The following SLC38A9 variants were observed in gnomAD, a reference collection of about 807,000 sequenced individuals.
SLC38A9 encodes neutral amino acid transporter 9.
Under a neutral mutation model 62.3 loss-of-function variants are expected in SLC38A9, and 48 were observed. That is an observed-to-expected ratio of 0.77 (90% CI 0.61 to 0.98). The LOEUF is 0.98. Among genes scored for constraint, SLC38A9 ranks in the 50% least tolerant of loss-of-function variants. The pLI, the probability that SLC38A9 is intolerant of heterozygous loss-of-function variation, is 0.00. For missense variants in SLC38A9, 541 were observed against 679.8 expected, an observed-to-expected ratio of 0.80 and a Z score of 2.27; for synonymous variants, 204 against 227.7, an observed-to-expected ratio of 0.90 and a Z score of 0.94.
intron 4 of SLC38A9, among the ~76,000 whole-genome samples, chr5:55,670,513 A>G (rs971674579): frequency 6.6e-6 from 1 of 152,224 alleles, no homozygotes; most frequent in Non-Finnish European, 1.5e-5. Flanking sequence ...AATCCAAAAT[A>G]GTTTTGGGAT....
At chr5:55,659,967 C>T (rs1206029477) in intron 8 of SLC38A9, among the ~76,000 whole-genome samples, 5 of 150,690 alleles carry the variant, frequency 3.3e-5, no homozygotes, top group Admixed American at 6.6e-5. Flanking sequence ...AGGGTTTCAC[C>T]GTGTTCGCCA....
At chr5:55,685,210 C>T (rs887562188) in intron 3 of SLC38A9, among the ~76,000 whole-genome samples, 1 of 152,160 alleles carries the variant, frequency 6.6e-6, no homozygotes, top group African/African-American at 2.4e-5. Context: ...ACAGCCATCA[C>T]CATAATCCAT....
intron 3 of SLC38A9, among the ~76,000 whole-genome samples, chr5:55,688,380 CTTT>C (rs767493953): frequency 8.1e-6 from 1 of 123,282 alleles, no homozygotes; most frequent in Non-Finnish European, 1.6e-5. Flanking sequence ...GGCATAATCT[CTTT>C]TTTTTTTTTT....
At chr5:55,686,161 C>T (rs1055922735) in intron 3 of SLC38A9, among the ~76,000 whole-genome samples, 25 of 151,708 alleles carry the variant, frequency 1.6e-4, no homozygotes, top group African/African-American at 6.1e-4. Flanking sequence ...ATTGCTGGGT[C>T]GAATGGTATT....
intron 9 of SLC38A9, among the ~76,000 whole-genome samples, chr5:55,653,629 T>A (rs1747908528): frequency 6.6e-6 from 1 of 151,834 alleles, no homozygotes; most frequent in South Asian, 2.1e-4. Context: ...CCAGATGGTA[T>A]CCAGATGACT....
At chr5:55,707,081 C>T (rs186458067) in intron 2 of SLC38A9, among the ~76,000 whole-genome samples, 26 of 152,050 alleles carry the variant, frequency 1.7e-4, no homozygotes, top group African/African-American at 6.3e-4. Flanking sequence ...AGCTGGGATC[C>T]CAGCTGTGCG....
chr5:55,626,832 A>G (rs1357855351), intron 15 of SLC38A9, among the ~76,000 whole-genome samples, 173 bp from the exon 16 acceptor site: 1 of 152,174 alleles, frequency 6.6e-6, no homozygotes, highest in East Asian at 1.9e-4. Flanking sequence ...TTTACTTGCT[A>G]AGTTAATATA....
chr5:55,627,908 G>A lies in SLC38A9; in HGVS notation c.1503C>T (p.Asn501=). Residue 501 remains asparagine (N), a synonymous_variant, in exon 15 of 16, where the codon AAC becomes AAT. Coordinates refer to ENST00000396865, the MANE Select transcript of SLC38A9 (RefSeq NM_173514.4). ...AGVIMACFYP[N]IGGIIRYSGA... is the part of the protein sequence containing the mutation. ...GGCAGTACCTTATGATCCCTCCTAT[G>A]TTTGGGTAGAAACAGGCCATGATCA... 1 of 1,610,030 alleles carries A rather than the reference G, an allele frequency of 6.2e-7. No homozygotes were observed. Among genetic ancestry groups the A allele is most frequent in the Non-Finnish European group, 8.5e-7 (1 of 1,176,684 alleles).
At chr5:55,691,500 T>C (rs1022241973) in intron 3 of SLC38A9, among the ~76,000 whole-genome samples, 8 of 152,030 alleles carry the variant, frequency 5.3e-5, no homozygotes, top group African/African-American at 1.7e-4. Context: ...CAAGAGAAGC[T>C]CAAAAACAAA....
intron 2 of SLC38A9, among the ~76,000 whole-genome samples, chr5:55,699,427 T>C (rs1040264883): frequency 2.0e-5 from 3 of 152,194 alleles, no homozygotes; most frequent in Non-Finnish European, 2.9e-5. Context: ...TAGAAGCAAA[T>C]GTAAATCTTT....
Position 55,649,274 on chromosome 5 carries a change from A to T in SLC38A9, c.993T>A (p.Phe331Leu). Residue 331 changes from phenylalanine to leucine, a missense_variant, in exon 11 of 16, where the codon TTT (phenylalanine) becomes TTA (leucine). Transcript: ENST00000396865. ...AATGAAATCCCAAGCGAACAGCCTT[A>T]AAGGTGACAAGGAAAATCAAATAAA... is the stretch of plus-strand genomic sequence containing the variant. Reference protein sequence around the residue: ...SVLYLIFLVTFKAVRLGFHLE... With the variant: ...SVLYLIFLVTLKAVRLGFHLE... The T allele has an allele frequency of 6.2e-7, 1 of 1,609,198 alleles. No individual in the cohort carries two copies. The highest frequency in any genetic ancestry group is 8.5e-7 in the Non-Finnish European group (1 of 1,178,226).
chr5:55,677,924 TATTG>T lies in SLC38A9; in HGVS notation c.114-5233_114-5230del, dbSNP rs1455032064. Among the ~76,000 whole-genome samples the T allele has an allele frequency of 9.5e-5, 11 of 115,786 alleles. 1 individual carries two copies. Among genetic ancestry groups the T allele is most frequent in the African/African-American group, 1.9e-4 (5 of 26,660 alleles). 76.0% of individuals were successfully genotyped at this position (115,786 alleles called of 152,430 possible). A position where few individuals can be genotyped will look rare whatever the true frequency, so the allele number is the denominator to read the frequency against. ...TCTAAATCAATACTTTTTTTTTCTT[TATTG>T]TGTGTGTGTGTGTGTGTGTGTGTGT... On this transcript the variant is annotated intron_variant, in intron 3 of 15. Coordinates refer to ENST00000396865, the MANE Select transcript of SLC38A9 (RefSeq NM_173514.4).
rs1750209397 is a variant in SLC38A9, at chr5:55,664,878, A to G, written c.527-15T>C. On this transcript the variant is annotated splice_polypyrimidine_tract_variant and intron_variant, in intron 7 of 15. Coordinates refer to ENST00000396865, the MANE Select transcript of SLC38A9 (RefSeq NM_173514.4). The stretch of plus-strand genomic sequence containing the variant: ...ATCCAACGAAACTAGATAAAATAAG[A>G]GAAAGAATAAAACTAAATGTTGAAC... 2 of 1,486,228 alleles carry G rather than the reference A, an allele frequency of 1.3e-6. No homozygotes were observed. Among genetic ancestry groups the G allele is most frequent in the Non-Finnish European group, 1.8e-6 (2 of 1,104,612 alleles). The allele number at this position is 1,486,228 out of a possible 1,614,324, so 92.1% of individuals were successfully genotyped here.
intron 3 of SLC38A9, among the ~76,000 whole-genome samples, chr5:55,678,269 C>T (rs1020518759): frequency 6.6e-6 from 1 of 151,664 alleles, no homozygotes; most frequent in African/African-American, 2.4e-5. Context: ...TCCTGAGTAG[C>T]TGGGACTATA....
At chr5:55,656,390 A>G (rs1182199190) in intron 9 of SLC38A9, among the ~76,000 whole-genome samples, 1 of 151,448 alleles carries the variant, frequency 6.6e-6, no homozygotes, top group Non-Finnish European at 1.5e-5. Flanking sequence ...TAGACATCTG[A>G]TATAATTAAT....
At chr5:55,637,535 T>C (rs1744637681) in intron 12 of SLC38A9, among the ~76,000 whole-genome samples, 2 of 152,238 alleles carry the variant, frequency 1.3e-5, no homozygotes, top group South Asian at 4.1e-4. Flanking sequence ...ATCATGTTGG[T>C]ATTTTTTCTT....
At chr5:55,675,812 C>A (rs1752011620) in intron 3 of SLC38A9, among the ~76,000 whole-genome samples, 1 of 152,124 alleles carries the variant, frequency 6.6e-6, no homozygotes, top group Non-Finnish European at 1.5e-5. Flanking sequence ...TTCTACCTAA[C>A]ACCTTTTCTA....
intron 9 of SLC38A9, 129 bp from the exon 10 acceptor site, chr5:55,652,852 A>G: frequency 1.6e-6 from 1 of 637,850 alleles, no homozygotes; most frequent in Non-Finnish European, 2.5e-6. Flanking sequence ...TAGGAGCCTA[A>G]ATTTCTCTTT....
At position 55,649,329 on chromosome 5, in the gene SLC38A9, T is replaced by A. The variant is rs771997936; in HGVS notation, c.953-15A>T. On this transcript the variant is annotated splice_polypyrimidine_tract_variant and intron_variant, in intron 10 of 15. Coordinates refer to ENST00000396865, the MANE Select transcript of SLC38A9 (RefSeq NM_173514.4). ...AGACACTGTGCCTGTGAGGAAAAAATTCAGAAACCATTTATTATCTTTGTG... is the reference window on the plus strand; with the variant it reads ...AGACACTGTGCCTGTGAGGAAAAAAATCAGAAACCATTTATTATCTTTGTG... 7.0e-6 allele frequency: 10 copies of A among 1,418,910 alleles called. No individual in the cohort carries two copies. In the South Asian group the frequency reaches 1.1e-4, roughly 15 times the overall value. The allele number at this position is 1,418,910 out of a possible 1,614,324, so 87.9% of individuals were successfully genotyped here.
Sources: gnomAD v4.1 joint callset for allele counts (sites outside exome capture counted in the v4.1 genomes callset) on GRCh38, gnomAD v4.1.1 for gene constraint, MANE v1.5 for transcripts, NCBI Gene and HGNC (gene_info 2026-07-23, HGNC 2026-07-21) for gene names.